The following SPINK1 variants were observed in gnomAD, a reference collection of about 807,000 sequenced individuals.
The protein encoded by SPINK1 is serine peptidase inhibitor Kazal type 1, also known as serine protease inhibitor Kazal-type 1.
A neutral mutation model predicts 9.5 loss-of-function variants in SPINK1; 5 were observed. The observed-to-expected ratio is 0.52, with a 90% CI of 0.27 to 1.10. The LOEUF (loss-of-function observed/expected upper bound fraction) is 1.10, where lower values mean the gene tolerates loss of function less well. Among genes scored for constraint, SPINK1 ranks in the 50% least tolerant of loss-of-function variants. SPINK1 has a pLI of 0.11. For missense variants in SPINK1, 88 were observed against 92.7 expected (o/e 0.95, Z 0.21); for synonymous variants, 37 against 32.3 (o/e 1.14, Z -0.49).
upstream of SPINK1, among the ~76,000 whole-genome samples, chr5:147,836,296 T>TTGTG (rs58122057): frequency 0.058 from 8,531 of 146,466 alleles, 354 homozygotes; most frequent in South Asian, 0.15. Flanking sequence ...ATTTACTGAT[T>TTGTG]TGTGTGTGTG....
At chr5:147,830,474 A>G (rs2127137240) in intron 1 of SPINK1, among the ~76,000 whole-genome samples, 1 of 152,318 alleles carries the variant, frequency 6.6e-6, no homozygotes, top group Non-Finnish European at 1.5e-5. Flanking sequence ...AGTTCTTTGT[A>G]TCTAAATGTA....
intron 3 of SPINK1, 190 bp downstream of exon 3, chr5:147,827,828 CTTTT>C: frequency 2.0e-6 from 1 of 497,366 alleles, no homozygotes; most frequent in South Asian, 2.9e-5. Context: ...AAAATATAGG[CTTTT>C]ATCATACAAG....
chr5:147,825,918 TA>T (rs1456368337), intron 3 of SPINK1, among the ~76,000 whole-genome samples: 12 of 152,228 alleles, frequency 7.9e-5, no homozygotes, highest in African/African-American at 2.9e-4. Flanking sequence ...TATGTAAATG[TA>T]AATTAGTTTA....
upstream of SPINK1, chr5:147,831,811 G>A: frequency 7.2e-7 from 1 of 1,389,664 alleles, no homozygotes; most frequent in Non-Finnish European, 9.3e-7. Context: ...CCTGAAACAT[G>A]CAAGGCAAAG....
At chr5:147,836,306 G>A (rs898723489), upstream of SPINK1, among the ~76,000 whole-genome samples, 23 of 150,460 alleles carry the variant, frequency 1.5e-4, no homozygotes, top group Middle Eastern at 6.8e-3. Flanking sequence ...TTGTGTGTGT[G>A]TGTGTGTGTG....
Position 147,825,312 on chromosome 5 carries a change from C to T in SPINK1, c.195-606G>A, listed in dbSNP as rs149882377. Among the ~76,000 whole-genome samples, 1,251 of 152,250 alleles carry T rather than the reference C, an allele frequency of 8.2e-3. 7 individuals are homozygous for T. Among genetic ancestry groups the T allele is most frequent in the South Asian group, 0.017 (81 of 4,820 alleles). ...TAATTGTTCCCTAGAAGACTGTTTC[C>T]AGGTCTTTAATTTTTCTAACCATTT... On this transcript the variant is annotated intron_variant, in intron 3 of 3. Coordinates refer to ENST00000296695, the MANE Select transcript of SPINK1 (RefSeq NM_001379610.1).
rs781162491 is a variant in SPINK1 at position 147,828,041 on chromosome 5, C to T, written c.175G>A (p.Val59Met). Residue 59 changes from valine (V) to methionine (M), a missense_variant, in exon 3 of 4, where the codon GTG becomes ATG. Coordinates refer to ENST00000296695, the MANE Select transcript of SPINK1 (RefSeq NM_001379610.1). ...ACTCACCGATTTTCAAAACATAACA[C>T]GCATTCATTGGGATAAGTATTTCCA... is the stretch of plus-strand genomic sequence containing the variant. The part of the protein sequence containing the change: ...TDGNTYPNEC[V>M]LCFENRKRQT... 14 of 1,612,808 alleles carry T rather than the reference C, an allele frequency of 8.7e-6. No homozygotes were observed. The highest frequency in any genetic ancestry group is 4.5e-5 in the East Asian group (2 of 44,732).
upstream of SPINK1, among the ~76,000 whole-genome samples, chr5:147,832,322 T>C (rs951679590): frequency 1.3e-5 from 2 of 152,208 alleles, no homozygotes; most frequent in African/African-American, 4.8e-5. Context: ...AAAGAGAATA[T>C]GTGCTGGATA....
At chr5:147,838,884 A>C in the SPINK1 span, among the ~76,000 whole-genome samples, 115 of 152,124 alleles carry the variant, frequency 7.6e-4, no homozygotes, top group Middle Eastern at 3.4e-3. Flanking sequence ...CCTACTTGCT[A>C]TAGGCTATCC....
chr5:147,827,704 G>T, intron 3 of SPINK1: 1 of 227,178 alleles, frequency 4.4e-6, no homozygotes, highest in Non-Finnish European at 8.7e-6. Flanking sequence ...ATTTATATTT[G>T]CATAACTGAG....
intron 3 of SPINK1, among the ~76,000 whole-genome samples, chr5:147,825,918 T>C (rs979611913): frequency 6.6e-6 from 1 of 152,228 alleles, no homozygotes; most frequent in Non-Finnish European, 1.5e-5. Flanking sequence ...TATGTAAATG[T>C]AAATTAGTTT....
intron 1 of SPINK1, among the ~76,000 whole-genome samples, chr5:147,830,032 T>C (rs1756482075): frequency 6.6e-6 from 1 of 152,240 alleles, no homozygotes; most frequent in Non-Finnish European, 1.5e-5. Context: ...ATAATTTTTA[T>C]CTCAGTTTAC....
At chr5:147,837,668 T>TCTTC in the SPINK1 span, among the ~76,000 whole-genome samples, 5 of 138,842 alleles carry the variant, frequency 3.6e-5, no homozygotes, top group African/African-American at 1.1e-4. Context: ...TTTCTTTCTT[T>TCTTC]CTTTCTTTCT....
upstream of SPINK1, among the ~76,000 whole-genome samples, chr5:147,835,287 A>C (rs999521695): frequency 9.2e-5 from 14 of 152,138 alleles, no homozygotes; most frequent in African/African-American, 2.9e-4. Context: ...ATTGTGCAAA[A>C]ATATTATTCC....
At chr5:147,830,799 G>A (rs560548915) in intron 1 of SPINK1, among the ~76,000 whole-genome samples, 2 of 152,242 alleles carry the variant, frequency 1.3e-5, no homozygotes, top group East Asian at 3.9e-4. Flanking sequence ...CATTTCCAGT[G>A]ATAAAAAGGA....
At position 147,827,838 on chromosome 5, in the gene SPINK1, A is replaced by T. The variant is rs114094661; in HGVS notation, c.194+184T>A. On this transcript the variant is annotated intron_variant, in intron 3 of 3. Transcript: ENST00000296695. ...TGTAAAAAATATAGGCTTTTATCAT[A>T]CAAGTGACTTCTAAAAAATAATATT... The T allele has an allele frequency of 0.012, 6,451 of 526,370 alleles. 69 individuals are homozygous for T. The highest frequency in any genetic ancestry group is 0.017 in the Non-Finnish European group (5,163 of 300,234). 32.6% of individuals were successfully genotyped at this position (526,370 alleles called of 1,614,324 possible).
At chr5:147,828,656 C>T (rs1756455103) in intron 2 of SPINK1, among the ~76,000 whole-genome samples, 1 of 152,204 alleles carries the variant, frequency 6.6e-6, no homozygotes, top group Admixed American at 6.5e-5. Context: ...TTGTCCTAGA[C>T]ATTGTTCTAG....
chr5:147,838,533 T>G, the SPINK1 span, among the ~76,000 whole-genome samples: 2 of 152,236 alleles, frequency 1.3e-5, no homozygotes. Context: ...CTTTTCTAGA[T>G]GTGTTGTATA....
upstream of SPINK1, chr5:147,831,852 G>A (rs1049995813): frequency 2.1e-5 from 27 of 1,308,190 alleles, no homozygotes; most frequent in Middle Eastern, 3.0e-4. Context: ...CTAGTGGTTA[G>A]TTTGATCCCT....
Sources: allele counts gnomAD v4.1 joint callset (sites outside exome capture counted in the v4.1 genomes callset), GRCh38; gene constraint gnomAD v4.1.1; transcripts MANE v1.5; gene names NCBI Gene and HGNC (gene_info 2026-07-23, HGNC 2026-07-21).